The following RYR2 variants were observed in gnomAD, a reference collection of about 807,000 sequenced individuals.
The protein encoded by RYR2 is ryanodine receptor 2.
A neutral mutation model predicts 601.1 loss-of-function variants in RYR2; 227 were observed. That is an observed-to-expected ratio of 0.38 (90% CI 0.34 to 0.42). RYR2 has a LOEUF of 0.42. RYR2 is among the 10% of genes least tolerant of loss of function. The probability of loss-of-function intolerance (pLI) is 1.00; values close to 1 mark genes in which losing one functional copy is unlikely to be tolerated. For synonymous variants in RYR2, 2,223 were observed against 2,175.1 expected (o/e 1.02, Z -0.61); for missense variants, 4,646 against 6,156.5 (o/e 0.75, Z 8.21).
intron 1 of RYR2, among the ~76,000 whole-genome samples, chr1:237,119,132 A>AG (rs907734883): frequency 3.3e-5 from 5 of 152,164 alleles, no homozygotes; most frequent in African/African-American, 4.8e-5. Context: ...TGAGGTCATT[A>AG]GGTTGGGTCT....
At chr1:237,191,244 G>C (rs1679937351) in intron 1 of RYR2, among the ~76,000 whole-genome samples, 1 of 151,964 alleles carries the variant, frequency 6.6e-6, no homozygotes, top group African/African-American at 2.4e-5. Context: ...TTATTTCCAG[G>C]CTCTCTATTC....
intron 44 of RYR2, among the ~76,000 whole-genome samples, chr1:237,636,192 A>G (rs1435330243): frequency 6.6e-6 from 1 of 151,900 alleles, no homozygotes; most frequent in African/African-American, 2.4e-5. Context: ...AAATAAATAT[A>G]TTTAATCAAA....
intron 58 of RYR2, among the ~76,000 whole-genome samples, chr1:237,671,652 C>T (rs1432901132): frequency 4.6e-5 from 7 of 152,010 alleles, no homozygotes; most frequent in Non-Finnish European, 8.8e-5. Context: ...ATCCCTGCAT[C>T]TGTGCAGAGA....
At chr1:237,157,038 G>C (rs1307193973) in intron 1 of RYR2, among the ~76,000 whole-genome samples, 1 of 152,126 alleles carries the variant, frequency 6.6e-6, no homozygotes, top group Non-Finnish European at 1.5e-5. Flanking sequence ...GCTCACGCCT[G>C]TAATCCCAGC....
chr1:237,294,628 A>T, intron 2 of RYR2, among the ~76,000 whole-genome samples: 1 of 152,208 alleles, frequency 6.6e-6, no homozygotes, highest in East Asian at 1.9e-4. Flanking sequence ...ACATTTTAAA[A>T]TTATACTTGC....
At chr1:237,412,608 T>G (rs12744635) in intron 10 of RYR2, among the ~76,000 whole-genome samples, 1 of 152,034 alleles carries the variant, frequency 6.6e-6, no homozygotes, top group African/African-American at 2.4e-5. Flanking sequence ...TCAGTAGCTG[T>G]AACACTGTTT....
At chr1:237,692,585 A>G (rs1687042761) in intron 63 of RYR2, among the ~76,000 whole-genome samples, 1 of 151,956 alleles carries the variant, frequency 6.6e-6, no homozygotes, top group Non-Finnish European at 1.5e-5. Context: ...ATGCTTCTTC[A>G]GCTTCCTTGG....
In RYR2 at chr1:237,832,656, C is replaced by CCAAT. The variant is rs762406696; in HGVS notation, c.*12_*15dup. On this transcript the variant is annotated 3_prime_UTR_variant, in exon 105 of 105. Transcript: ENST00000366574. Reference sequence around the variant, plus strand: ...AAGACCAGCTAAATTAAACTCAGACCCAATCACCTCTAAAAACCAAAACCC... The same window carrying CCAAT: ...AAGACCAGCTAAATTAAACTCAGACCCAATCAATCACCTCTAAAAACCAAAACCC... 13 of 1,578,126 alleles carry CCAAT rather than the reference C, an allele frequency of 8.2e-6. No homozygotes were observed. Among genetic ancestry groups the CCAAT allele is most frequent in the African/African-American group, 2.7e-5 (2 of 74,174 alleles).
Position 237,726,288 on chromosome 1 carries a change from G to A in RYR2, c.10705G>A (p.Gly3569Ser). 1 of 1,588,802 alleles carries A rather than the reference G, an allele frequency of 6.3e-7. No individual in the cohort carries two copies. The part of the protein sequence containing the change: ...FHLEQKSKRV[G>S]RRHYCLVEHP... ...TTTCTTTCAGAAGTCTAAACGTGTG[G>A]GTCGGAGACATTACTGTCTGGGAAG... The change falls in exon 75 of 105, where the codon GGT becomes AGT. Residue 3569 changes from glycine to serine, a missense_variant. This residue lies in a region of RYR2 where 1,497 missense variants were observed against 1,842.6 expected (regional missense o/e 0.81). Coordinates refer to ENST00000366574, the MANE Select transcript of RYR2 (RefSeq NM_001035.3).
At chr1:237,376,225 G>T (rs533746722) in intron 7 of RYR2, among the ~76,000 whole-genome samples, 3 of 152,262 alleles carry the variant, frequency 2.0e-5, no homozygotes, top group Non-Finnish European at 4.4e-5. Context: ...TTAGATTATG[G>T]TTTGTGTAAG....
chr1:237,759,049 A>G (rs970354839), intron 82 of RYR2, among the ~76,000 whole-genome samples: 1 of 152,186 alleles, frequency 6.6e-6, no homozygotes, highest in African/African-American at 2.4e-5. Context: ...TAGCATTAGC[A>G]TATGGCAGTC....
Position 237,496,582 on chromosome 1 carries a change from T to C in RYR2, c.2033T>C (p.Met678Thr). The change falls in exon 20 of 105, where the codon ATG becomes ACG. Residue 678 changes from methionine (M) to threonine (T), a missense_variant. Physicochemically the swap from Met to Thr is moderately conservative, Grantham distance 81. Around this residue, in one of 17 missense-constraint regions of RYR2, gnomAD observed 1,807 missense variants for 2,088.1 expected, o/e 0.87. Transcript: ENST00000366574. ...TATAAGAAATGGTACTATGAATTGA[T>C]GGTGGACCACACAGAGCCCTTTGTG... The part of the protein sequence containing the change: ...AQYKKWYYEL[M>T]VDHTEPFVTA... 2 of 1,614,012 alleles carry C rather than the reference T, an allele frequency of 1.2e-6. No homozygotes were observed. Among genetic ancestry groups the C allele is most frequent in the Non-Finnish European group, 1.7e-6 (2 of 1,179,896 alleles).
Position 237,457,796 on chromosome 1 carries a change from C to T in RYR2, c.1612+1061C>T, listed in dbSNP as rs80175622. 3.9e-3 allele frequency among the ~76,000 whole-genome samples: 597 copies of T among 152,252 alleles called. 2 individuals are homozygous for T. Among genetic ancestry groups the T allele is most frequent in the Non-Finnish European group, 6.9e-3 (467 of 68,008 alleles). ...GCAAGATGTGCAAAAACAGAGACCA[C>T]GGGGAATGGTCTCTTTCTCTACCCT... On this transcript the variant is annotated intron_variant, in intron 16 of 104. Coordinates refer to ENST00000366574, the MANE Select transcript of RYR2 (RefSeq NM_001035.3).
intron 101 of RYR2, among the ~76,000 whole-genome samples, chr1:237,821,673 G>C (rs1662517394): frequency 6.6e-6 from 1 of 151,996 alleles, no homozygotes; most frequent in Non-Finnish European, 1.5e-5. Context: ...CGGAAAATGA[G>C]TTTGACAAAT....
intron 82 of RYR2, among the ~76,000 whole-genome samples, chr1:237,758,802 GA>G (rs1418501661): frequency 1.3e-5 from 2 of 152,078 alleles, no homozygotes; most frequent in Admixed American, 6.6e-5. Context: ...TTTTACATTT[GA>G]AATCTCTAAT....
At chr1:237,061,845 C>A (rs1181700550) in intron 1 of RYR2, among the ~76,000 whole-genome samples, 1 of 151,840 alleles carries the variant, frequency 6.6e-6, no homozygotes, top group Non-Finnish European at 1.5e-5. Context: ...GGCTGTTCTC[C>A]CATGTTATCT....
chr1:237,121,757 G>A (rs1670805083), intron 1 of RYR2, among the ~76,000 whole-genome samples: 5 of 152,308 alleles, frequency 3.3e-5, no homozygotes, highest in African/African-American at 1.2e-4. Flanking sequence ...GTTCCTTGGG[G>A]CAGGCATGGC....
chr1:237,521,201 A>G (rs932283319), intron 24 of RYR2, among the ~76,000 whole-genome samples: 4 of 152,190 alleles, frequency 2.6e-5, no homozygotes, highest in African/African-American at 9.7e-5. Flanking sequence ...TAACCGCTCT[A>G]TGAAGCCAGT....
At chr1:237,498,972 A>G (rs1227290973) in intron 20 of RYR2, among the ~76,000 whole-genome samples, 1 of 152,112 alleles carries the variant, frequency 6.6e-6, no homozygotes, top group Non-Finnish European at 1.5e-5. Context: ...CTGATTTTAG[A>G]TTCGTAATTA....
Sources: gnomAD v4.1 joint callset for allele counts (sites outside exome capture counted in the v4.1 genomes callset) on GRCh38, gnomAD v4.1.1 for gene constraint, gnomAD v4.1.1 regional missense constraint, MANE v1.5 for transcripts, NCBI Gene and HGNC (gene_info 2026-07-23, HGNC 2026-07-21) for gene names.